FREM1: variants seen among roughly 807,000 people sequenced by gnomAD.
FREM1 encodes FRAS1-related extracellular matrix protein 1.
Under a neutral mutation model 210.1 loss-of-function variants are expected in FREM1, and 220 were observed. The ratio of observed to expected loss-of-function variants is 1.05; its 90% CI spans 0.94 to 1.17. The LOEUF is 1.17. FREM1 is among the 50% of genes most tolerant of loss of function. The probability of loss-of-function intolerance (pLI) is 0.00; values close to 1 mark genes in which losing one functional copy is unlikely to be tolerated. For synonymous variants in FREM1, 1,189 were observed against 980.2 expected (o/e 1.21, Z -3.98); for missense variants, 3,454 against 2,675.5 (o/e 1.29, Z -6.42).
chr9:14,813,141 T>C, intron 15 of FREM1, 77 bp from the exon 16 acceptor site: 1 of 1,426,528 alleles, frequency 7.0e-7, no homozygotes, highest in Non-Finnish European at 9.5e-7. Flanking sequence ...CCATTGCTCA[T>C]AGTCAGAATG....
At position 14,846,100 on chromosome 9, in the gene FREM1, G is replaced by C; in HGVS notation, c.1262-9C>G. ...CTCAAGGAGACTCAGACCTATGAAA[G>C]AAAGGAGAAAAGGGTGTTGGTATCA... On this transcript the variant is annotated splice_polypyrimidine_tract_variant and intron_variant, in intron 7 of 36. Transcript: ENST00000380880. 1 of 1,557,950 alleles carries C rather than the reference G, an allele frequency of 6.4e-7. No individual in the cohort carries two copies. Among genetic ancestry groups the C allele is most frequent in the East Asian group, 2.4e-5 (1 of 41,602 alleles).
At chr9:14,880,038 G>T (rs1224833074) in intron 1 of FREM1, among the ~76,000 whole-genome samples, 1 of 152,076 alleles carries the variant, frequency 6.6e-6, no homozygotes, top group East Asian at 1.9e-4. Flanking sequence ...TTTACATAAG[G>T]TCATGAGGGT....
At chr9:14,766,682 G>A (rs1389114732) in intron 27 of FREM1, among the ~76,000 whole-genome samples, 1 of 152,138 alleles carries the variant, frequency 6.6e-6, no homozygotes, top group Non-Finnish European at 1.5e-5. Context: ...TCCTTCCCGT[G>A]CTCTAAAACA....
Position 14,737,406 on chromosome 9 carries a change from C to G in FREM1, c.6530G>C (p.Arg2177Thr). 1.2e-6 allele frequency: 2 copies of G among 1,613,410 alleles called. No individual in the cohort carries two copies. The highest frequency in any genetic ancestry group is 1.7e-6 in the Non-Finnish European group (2 of 1,179,592). The change falls in exon 37 of 37, where the codon AGA (arginine) becomes ACA (threonine). Residue 2177 changes from arginine (R) to threonine (T), a missense_variant. Transcript: ENST00000380880. ...RAKPHNYVCS[R>T]KL is the part of the protein sequence containing the mutation. ...TAGGGTCTGTTATATTTAGAGTTTTCTGGAACACACATAATTATGAGGTTT... is the reference window on the plus strand; with the variant it reads ...TAGGGTCTGTTATATTTAGAGTTTTGTGGAACACACATAATTATGAGGTTT...
rs187443688 is a variant in FREM1 at position 14,827,970 on chromosome 9, C to G, written c.1882-2978G>C. On this transcript the variant is annotated intron_variant, in intron 10 of 36. Transcript: ENST00000380880. ...GTGCAGAGTGCAAGAGCTGTGAAAA[C>G]ACAGCTGCCTCCACTTAGATTTCAA... Among the ~76,000 whole-genome samples the G allele has an allele frequency of 3.3e-5, 5 of 152,346 alleles. No individual in the cohort carries two copies. In the East Asian group the frequency reaches 7.7e-4, roughly 24 times the overall value.
chr9:14,875,162 C>T (rs960310091), intron 1 of FREM1, among the ~76,000 whole-genome samples: 16 of 152,222 alleles, frequency 1.1e-4, no homozygotes, highest in African/African-American at 3.1e-4. Context: ...TTGCTCTTCT[C>T]GAGGAGTATC....
chr9:14,757,761 A>G (rs1249622249), intron 28 of FREM1, among the ~76,000 whole-genome samples: 4 of 152,176 alleles, frequency 2.6e-5, no homozygotes, highest in African/African-American at 9.7e-5. Context: ...GCCTCAGACA[A>G]TATGTCCATT....
Position 14,861,209 on chromosome 9 carries a change from A to G in FREM1, c.330-1725T>C, listed in dbSNP as rs1400311796. On this transcript the variant is annotated intron_variant, in intron 3 of 36. Transcript: ENST00000380880. ...CACATATATACATATATACACACAT[A>G]TACATATATACACATATATACACAT... 4.3e-5 allele frequency among the ~76,000 whole-genome samples: 4 copies of G among 92,848 alleles called. 1 individual carries two copies. Among genetic ancestry groups the G allele is most frequent in the African/African-American group, 1.6e-4 (2 of 12,144 alleles). The allele number at this position is 92,848 out of a possible 152,430, so 60.9% of individuals were successfully genotyped here.
chr9:14,819,517 G>T, intron 13 of FREM1, 75 bp from the exon 14 acceptor site: 1 of 813,532 alleles, frequency 1.2e-6, no homozygotes, highest in Non-Finnish European at 2.0e-6. Context: ...TTACATCACT[G>T]TAAAACTTCC....
At position 14,793,092 on chromosome 9, in the gene FREM1, A is replaced by G. The variant is rs192396453; in HGVS notation, c.3840-208T>C. Among the ~76,000 whole-genome samples the G allele has an allele frequency of 6.1e-3, 926 of 152,370 alleles. 6 individuals are homozygous for G. Among genetic ancestry groups the G allele is most frequent in the Non-Finnish European group, 7.8e-3 (532 of 68,034 alleles). ...TCTGAAAAGACAATGGGTCAGCCCT[A>G]ATGAATGTGGGAAGAGGTAATTAGG... On this transcript the variant is annotated intron_variant, in intron 21 of 36. Transcript: ENST00000380880.
intron 27 of FREM1, among the ~76,000 whole-genome samples, chr9:14,767,784 A>G (rs925965090): frequency 6.6e-6 from 1 of 152,138 alleles, no homozygotes; most frequent in Admixed American, 6.5e-5. Context: ...TTACCCCCCC[A>G]TCGCTTATAA....
Position 14,824,239 on chromosome 9 carries a change from T to A in FREM1, c.2079-124A>T. 3 of 625,264 alleles carry A rather than the reference T, an allele frequency of 4.8e-6. No homozygotes were observed. The South Asian group carries it at 6.3e-5, about 13-fold the overall frequency. 38.7% of individuals were successfully genotyped at this position (625,264 alleles called of 1,614,324 possible). A position where few individuals can be genotyped will look rare whatever the true frequency, so the allele number is the denominator to read the frequency against. On this transcript the variant is annotated intron_variant, in intron 11 of 36. Coordinates refer to ENST00000380880, the MANE Select transcript of FREM1 (RefSeq NM_001379081.2). ...AGAAATTGGGTGCTCTATCTTTATA[T>A]TCTCTCTTTATGTTGGGAGATTCTA...
chr9:14,833,389 C>T (rs1389235528), intron 10 of FREM1, among the ~76,000 whole-genome samples: 1 of 152,146 alleles, frequency 6.6e-6, no homozygotes, highest in East Asian at 1.9e-4. Context: ...CAGGCTCCTT[C>T]CAAAGTCGGT....
At position 14,738,694 on chromosome 9, in the gene FREM1, C is replaced by T. The variant is rs561547938; in HGVS notation, c.6341-1099G>A. Among the ~76,000 whole-genome samples the T allele has an allele frequency of 2.0e-5, 3 of 152,210 alleles. No individual in the cohort carries two copies. In the South Asian group the frequency reaches 6.2e-4, roughly 32 times the overall value. ...CTGACTTTGATGCGCCCTGAAAATT[C>T]TGTTTTTAAAGTGGTTTAAAAGATT... On this transcript the variant is annotated intron_variant, in intron 36 of 36. Coordinates refer to ENST00000380880, the MANE Select transcript of FREM1 (RefSeq NM_001379081.2).
At position 14,829,623 on chromosome 9, in the gene FREM1, A is replaced by T. The variant is rs1649696147; in HGVS notation, c.1882-4631T>A. Among the ~76,000 whole-genome samples, 3 of 152,266 alleles carry T rather than the reference A, an allele frequency of 2.0e-5. No homozygotes were observed. In the South Asian group the frequency reaches 6.2e-4, roughly 32 times the overall value. ...ACATGATGTTTTCCTCTGTATTATG[A>T]TGTCATAAGAAGGCCCTCACAAGAT... On this transcript the variant is annotated intron_variant, in intron 10 of 36. Coordinates refer to ENST00000380880, the MANE Select transcript of FREM1 (RefSeq NM_001379081.2).
At position 14,869,962 on chromosome 9, in the gene FREM1, G is replaced by A. The variant is rs1397303715; in HGVS notation, c.-267-718C>T. Among the ~76,000 whole-genome samples, 5 of 152,102 alleles carry A rather than the reference G, an allele frequency of 3.3e-5. No individual in the cohort carries two copies. In the East Asian group the frequency reaches 7.7e-4, roughly 23 times the overall value. ...AATTACATTCCCATGTACTCAACTT[G>A]CACAAATAGAGTCTTTGTTTCCACT... On this transcript the variant is annotated intron_variant, in intron 1 of 36. Transcript: ENST00000380880.
At chr9:14,763,334 C>T (rs1363042454) in intron 27 of FREM1, among the ~76,000 whole-genome samples, 2 of 152,108 alleles carry the variant, frequency 1.3e-5, no homozygotes, top group Non-Finnish European at 2.9e-5. Context: ...GACAAATGCT[C>T]CTTGGGAGAA....
At chr9:14,867,233 C>T (rs1831695815) in intron 2 of FREM1, among the ~76,000 whole-genome samples, 1 of 152,182 alleles carries the variant, frequency 6.6e-6, no homozygotes, top group Non-Finnish European at 1.5e-5. Context: ...TGTATTGCTT[C>T]CTCATCCTAT....
chr9:14,834,533 C>A (rs10121165), intron 10 of FREM1, among the ~76,000 whole-genome samples: 21,899 of 152,048 alleles, frequency 0.14, 1,887 homozygotes, highest in African/African-American at 0.25. Context: ...AGCTTTAAAC[C>A]GAATTTTCAT....
Sources: gnomAD v4.1 joint callset for allele counts (sites outside exome capture counted in the v4.1 genomes callset) on GRCh38, gnomAD v4.1.1 for gene constraint, MANE v1.5 for transcripts, NCBI Gene and HGNC (gene_info 2026-07-23, HGNC 2026-07-21) for gene names.